Variants in FZR1 observed in about 807,000 individuals in gnomAD.
FZR1 encodes fizzy-related protein homolog.
A neutral mutation model predicts 63.6 loss-of-function variants in FZR1; 11 were observed. That is an observed-to-expected ratio of 0.17 (90% confidence interval 0.11 to 0.29). FZR1 has a LOEUF of 0.29. Among genes scored for constraint, FZR1 ranks in the 10% least tolerant of loss-of-function variants. FZR1 has a pLI of 1.00. For synonymous variants in FZR1, 328 were observed against 297.9 expected (o/e 1.10, Z -1.04); for missense variants, 440 against 687.5 (o/e 0.64, Z 4.03).
At chr19:3,520,794 T>C (rs1430879512) in intron 1 of FZR1, among the ~76,000 whole-genome samples, 1 of 152,222 alleles carries the variant, frequency 6.6e-6, no homozygotes. Flanking sequence ...CGCCTCAGTA[T>C]CTCAGGACAG....
In FZR1 at chr19:3,525,646, G is replaced by A. The variant is rs1195261239; in HGVS notation, c.70-222G>A. On this transcript the variant is annotated intron_variant, in intron 2 of 13. Transcript: ENST00000441788. This position sits in a 1 kb window ranked among gnomAD's most constrained non-coding sequence, Gnocchi z 4.2. ...TTTAGTAGAGACGAGGTTTCACAGT[G>A]TTAGCCAGGATGGTCTTGATCTCCT... Among the ~76,000 whole-genome samples, 1 of 152,004 alleles carries A rather than the reference G, an allele frequency of 6.6e-6. No individual in the cohort carries two copies. The highest frequency in any genetic ancestry group is 1.5e-5 in the Non-Finnish European group (1 of 67,986).
chr19:3,527,648 C>T lies in FZR1; in HGVS notation c.488C>T (p.Ser163Phe), dbSNP rs372570068. ...VSNKSQKLLR[S>F]PRKPTRKISK... ...CTCTGCAGCCAGAAGCTGCTCCGGT[C>T]CCCCCGGAAACCCACCCGCAAGATC... Residue 163 changes from serine to phenylalanine, a missense_variant, in exon 7 of 14, where the codon TCC becomes TTC. Physicochemically the swap from Ser to Phe is radical, Grantham distance 155. Coordinates refer to ENST00000441788, the MANE Select transcript of FZR1 (RefSeq NM_016263.4). 1.4e-5 allele frequency: 22 copies of T among 1,607,774 alleles called. No homozygotes were observed. Among genetic ancestry groups the T allele is most frequent in the East Asian group, 8.9e-5 (4 of 44,852 alleles).
chr19:3,534,230 A>C lies in FZR1; in HGVS notation c.1348-191A>C, dbSNP rs2122031227. On this transcript the variant is annotated intron_variant, in intron 12 of 13. Transcript: ENST00000441788. ...GAGCCAGACCCCGTCTTAAAATTAA[A>C]AAAAAAAAAAAAAAAAAGGCTCCAA... 4 of 261,010 alleles carry C rather than the reference A, an allele frequency of 1.5e-5. No homozygotes were observed. The East Asian group carries it at 4.8e-4, about 31-fold the overall frequency. The allele number at this position is 261,010 out of a possible 1,614,324, so 16.2% of individuals were successfully genotyped here. A position where few individuals can be genotyped will look rare whatever the true frequency, so the allele number is the denominator to read the frequency against.
chr19:3,530,434 G>GCA (rs1568238992), intron 7 of FZR1, among the ~76,000 whole-genome samples: 1 of 75,558 alleles, frequency 1.3e-5, no homozygotes, highest in South Asian at 5.1e-4. Flanking sequence ...ATGGGAGAGC[G>GCA]GATGGGAGAG....
chr19:3,533,430 C>G lies in FZR1; in HGVS notation c.1347+32C>G. ...TCACGCCAGGCACTTCAAGGTGCCC[C>G]GGGATTCTGGACAAACTGCCATGGC... is the stretch of plus-strand genomic sequence containing the variant. On this transcript the variant is annotated intron_variant, in intron 12 of 13. Transcript: ENST00000441788. This position sits in a 1 kb window ranked among gnomAD's most constrained non-coding sequence, Gnocchi z 4.9. 2 of 1,394,784 alleles carry G rather than the reference C, an allele frequency of 1.4e-6. No individual in the cohort carries two copies. The highest frequency in any genetic ancestry group is 4.6e-5 in the East Asian group (2 of 43,776). The allele number at this position is 1,394,784 out of a possible 1,614,324, so 86.4% of individuals were successfully genotyped here. A position where few individuals can be genotyped will look rare whatever the true frequency, so the allele number is the denominator to read the frequency against.
intron 1 of FZR1, among the ~76,000 whole-genome samples, chr19:3,510,460 G>C (rs952157882): frequency 6.6e-6 from 1 of 152,216 alleles, no homozygotes; most frequent in Admixed American, 6.5e-5. Context: ...GAGAGCGGCA[G>C]GCCGTTCAGA....
At chr19:3,524,592 G>A (rs578002956) in intron 2 of FZR1, among the ~76,000 whole-genome samples, 1 of 152,242 alleles carries the variant, frequency 6.6e-6, no homozygotes, top group Admixed American at 6.5e-5. Context: ...GTGTTTCCTG[G>A]GGCTCCACCA....
At chr19:3,531,539 C>G (rs527919286) in intron 8 of FZR1, among the ~76,000 whole-genome samples, 175 bp from the exon 9 acceptor site, 124 of 152,230 alleles carry the variant, frequency 8.1e-4, no homozygotes, top group Non-Finnish European at 1.6e-3. Flanking sequence ...CCCGCCACCC[C>G]AGCATGCACT....
Position 3,536,432 on chromosome 19 carries a change from C to T in FZR1, c.*1596C>T, listed in dbSNP as rs960368884. ...TGGTGCACGTGGCAGTGTGGATTTC[C>T]AGTGGTCACGGTCTTACTGTTTCAA... is the stretch of plus-strand genomic sequence containing the variant. On this transcript the variant is annotated 3_prime_UTR_variant, in exon 14 of 14. Coordinates refer to ENST00000441788, the MANE Select transcript of FZR1 (RefSeq NM_016263.4). The T allele has an allele frequency of 6.6e-6, 1 of 151,958 alleles. No homozygotes were observed. The highest frequency in any genetic ancestry group is 2.4e-5 in the African/African-American group (1 of 41,340). The allele number at this position is 151,958 out of a possible 1,614,324, so 9.4% of individuals were successfully genotyped here.
At position 3,526,406 on chromosome 19, in the gene FZR1, C is replaced by T. The variant is rs200223586; in HGVS notation, c.387+20C>T. 542 of 1,548,584 alleles carry T rather than the reference C, an allele frequency of 3.5e-4. No individual in the cohort carries two copies. The African/African-American group carries it at 5.4e-3, about 15-fold the overall frequency. On this transcript the variant is annotated intron_variant, in intron 5 of 13. Coordinates refer to ENST00000441788, the MANE Select transcript of FZR1 (RefSeq NM_016263.4). The surrounding 1 kb of genome is among the most constrained non-coding windows in gnomAD (Gnocchi z 5.4). ...TTCACGGTAAGCCTGCGGCACCCCCCACCCGGGAGCTGGCTCCCAGTGCAG... is the reference window on the plus strand; with the variant it reads ...TTCACGGTAAGCCTGCGGCACCCCCTACCCGGGAGCTGGCTCCCAGTGCAG...
Position 3,516,612 on chromosome 19 carries a change from CCGGGATACAGGACCCT to C in FZR1, c.-34-6342_-34-6327del, listed in dbSNP as rs1224757199. Among the ~76,000 whole-genome samples, 1 of 152,002 alleles carries C rather than the reference CCGGGATACAGGACCCT, an allele frequency of 6.6e-6. No homozygotes were observed. Among genetic ancestry groups the C allele is most frequent in the Non-Finnish European group, 1.5e-5 (1 of 68,006 alleles). On this transcript the variant is annotated intron_variant, in intron 1 of 13. Transcript: ENST00000441788. The surrounding 1 kb of genome is among the most constrained non-coding windows in gnomAD (Gnocchi z 6.0). Reference sequence around the variant, plus strand: ...TGAGGTGCCCCGGGAGGCCCCAGGCCCGGGATACAGGACCCTCCAGATCTCGGAGGTGGGAAGACAG... The same window carrying C: ...TGAGGTGCCCCGGGAGGCCCCAGGCCCCAGATCTCGGAGGTGGGAAGACAG...
intron 1 of FZR1, among the ~76,000 whole-genome samples, chr19:3,522,001 T>C (rs891443367): frequency 2.0e-5 from 3 of 151,992 alleles, no homozygotes; most frequent in African/African-American, 7.3e-5. Context: ...GGACCACAGG[T>C]GCGCGCCACC....
chr19:3,535,127 C>CA lies in FZR1; in HGVS notation c.*292dup. ...GGTCCCGGCTCAGACCGTCTGTACTCAGAGCGACGGATGCCCCCTGGGACC... is the reference window on the plus strand; with the variant it reads ...GGTCCCGGCTCAGACCGTCTGTACTCAAGAGCGACGGATGCCCCCTGGGACC... On this transcript the variant is annotated 3_prime_UTR_variant, in exon 14 of 14. Coordinates refer to ENST00000441788, the MANE Select transcript of FZR1 (RefSeq NM_016263.4). 1 of 486,272 alleles carries CA rather than the reference C, an allele frequency of 2.1e-6. No homozygotes were observed. The highest frequency in any genetic ancestry group is 3.7e-6 in the Non-Finnish European group (1 of 267,108). The allele number at this position is 486,272 out of a possible 1,614,324, so 30.1% of individuals were successfully genotyped here. A position where few individuals can be genotyped will look rare whatever the true frequency, so the allele number is the denominator to read the frequency against.
chr19:3,530,251 T>TGAGCGGATGGGA (rs1271857105), intron 7 of FZR1, among the ~76,000 whole-genome samples: 1,210 of 68,838 alleles, frequency 0.018, 49 homozygotes, highest in African/African-American at 0.042. Context: ...AGCAGATGGG[T>TGAGCGGATGGGA]GAGCGGATGG....
At chr19:3,510,812 TCA>T (rs2083018956) in intron 1 of FZR1, among the ~76,000 whole-genome samples, 1 of 152,176 alleles carries the variant, frequency 6.6e-6, no homozygotes, top group African/African-American at 2.4e-5. Context: ...CTGTGCATTG[TCA>T]CAACTGGGGG....
At chr19:3,521,011 G>A (rs1366681690) in intron 1 of FZR1, among the ~76,000 whole-genome samples, 1 of 152,236 alleles carries the variant, frequency 6.6e-6, no homozygotes, top group Non-Finnish European at 1.5e-5. Context: ...CGTCCTCAGG[G>A]CGTGTCCGCG....
At chr19:3,512,018 T>G (rs1362640868) in intron 1 of FZR1, among the ~76,000 whole-genome samples, 1 of 152,092 alleles carries the variant, frequency 6.6e-6, no homozygotes. Context: ...AGTCCACCCC[T>G]GCAACCACGG....
In FZR1 at chr19:3,528,353, A is replaced by G. The variant is rs553389063; in HGVS notation, c.654+539A>G. Among the ~76,000 whole-genome samples the G allele has an allele frequency of 1.3e-5, 2 of 152,254 alleles. 1 individual carries two copies. Among genetic ancestry groups the G allele is most frequent in the South Asian group, 4.1e-4 (2 of 4,826 alleles). On this transcript the variant is annotated intron_variant, in intron 7 of 13. Transcript: ENST00000441788. ...CCATGCGAGTAGTTTCGGGAGAGCG[A>G]GGGTTGGCGCCCTCCCTGCAGCCTA...
chr19:3,525,678 G>A lies in FZR1; in HGVS notation c.70-190G>A, dbSNP rs530340583. On this transcript the variant is annotated intron_variant, in intron 2 of 13. Transcript: ENST00000441788. The surrounding 1 kb of genome is among the most constrained non-coding windows in gnomAD (Gnocchi z 4.2). ...AGGATGGTCTTGATCTCCTGACCTC[G>A]TGATCCGCCCGCCTCGGCCTCCCAA... Among the ~76,000 whole-genome samples the A allele has an allele frequency of 4.9e-4, 74 of 152,086 alleles. No individual in the cohort carries two copies. The highest frequency in any genetic ancestry group is 1.7e-3 in the African/African-American group (71 of 41,486).
Sources: gnomAD v4.1 joint callset for allele counts (sites outside exome capture counted in the v4.1 genomes callset) on GRCh38, gnomAD v4.1.1 for gene constraint, Gnocchi (gnomAD v3.1) non-coding constraint, MANE v1.5 for transcripts, NCBI Gene and HGNC (gene_info 2026-07-23, HGNC 2026-07-21) for gene names.